The following COTL1 variants were observed in gnomAD, a reference collection of about 807,000 sequenced individuals.
The protein encoded by COTL1 is coactosin-like protein.
COTL1 carries 15 observed loss-of-function variants against 16.5 expected under a neutral mutation model. The observed-to-expected ratio is 0.91, with a 90% confidence interval of 0.61 to 1.40. The LOEUF is 1.40. Ranked by LOEUF, COTL1 falls within the 40% of genes most tolerant of loss-of-function variation. The pLI, the probability that COTL1 is intolerant of heterozygous loss-of-function variation, is 0.00. For synonymous variants in COTL1, 112 were observed against 85.3 expected (o/e 1.31, Z -1.73); for missense variants, 220 against 201.5 (o/e 1.09, Z -0.56).
intron 3 of COTL1, chr16:84,577,022 C>T (rs1185352506): frequency 6.6e-6 from 1 of 152,216 alleles, no homozygotes; most frequent in East Asian, 1.9e-4. Context: ...TCCCCAGCAC[C>T]CTGAATCTTG....
intron 3 of COTL1, chr16:84,576,081 T>C (rs573241246): frequency 2.5e-4 from 38 of 152,324 alleles, no homozygotes; most frequent in African/African-American, 8.9e-4. Flanking sequence ...CGTTTATTTT[T>C]TAACAAAGGG....
chr16:84,581,765 A>G (rs1904599912), intron 3 of COTL1, among the ~76,000 whole-genome samples: 2 of 152,096 alleles, frequency 1.3e-5, no homozygotes, highest in South Asian at 4.1e-4. Context: ...TTGGCCTCCC[A>G]AAGTGCTAGG....
chr16:84,594,101 C>T (rs939459481), intron 2 of COTL1, among the ~76,000 whole-genome samples: 2 of 149,776 alleles, frequency 1.3e-5, no homozygotes, highest in African/African-American at 4.8e-5. Flanking sequence ...ATGTGCGGGT[C>T]ACCACTTCAT....
At chr16:84,592,598 TAA>T (rs11356776) in intron 2 of COTL1, among the ~76,000 whole-genome samples, 3,763 of 143,526 alleles carry the variant, frequency 0.026, 155 homozygotes, top group African/African-American at 0.09. Context: ...CACACTGAGT[TAA>T]AAAAAAAAAA....
rs529841692 is a variant in COTL1 at position 84,565,882 on chromosome 16, G to A, written c.*963C>T. On this transcript the variant is annotated 3_prime_UTR_variant, in exon 4 of 4. Coordinates refer to ENST00000262428, the MANE Select transcript of COTL1 (RefSeq NM_021149.5). ...CTTTGCTCAGCTCACAGCTAGCGCG[G>A]CGGGCAGAGCAACCCTTCGGCCCAA... 1 of 152,416 alleles carries A rather than the reference G, an allele frequency of 6.6e-6. No homozygotes were observed. The highest frequency in any genetic ancestry group is 6.5e-5 in the Admixed American group (1 of 15,308). The allele number at this position is 152,416 out of a possible 1,614,324, so 9.4% of individuals were successfully genotyped here.
intron 3 of COTL1, among the ~76,000 whole-genome samples, chr16:84,587,802 T>G (rs899966553): frequency 6.6e-6 from 1 of 152,094 alleles, no homozygotes; most frequent in Admixed American, 6.6e-5. Context: ...TTATTTTATT[T>G]ATTTTTTTGG....
chr16:84,567,205 C>A, intron 3 of COTL1: 1 of 412,276 alleles, frequency 2.4e-6, no homozygotes, highest in Non-Finnish European at 4.4e-6. Context: ...TGCGTCTTCC[C>A]ATGTCCGTGG....
chr16:84,591,797 C>G (rs79324036), intron 2 of COTL1, among the ~76,000 whole-genome samples: 11,431 of 144,116 alleles, frequency 0.079, 557 homozygotes, highest in East Asian at 0.18. Context: ...GTACTCCAGC[C>G]TGGGTGGCCA....
At chr16:84,607,726 A>G (rs1905242208) in intron 2 of COTL1, among the ~76,000 whole-genome samples, 1 of 151,966 alleles carries the variant, frequency 6.6e-6, no homozygotes, top group Non-Finnish European at 1.5e-5. Flanking sequence ...GAGGCGGGGG[A>G]GCAATCTGAC....
At chr16:84,617,392 G>T (rs1003624248) in intron 2 of COTL1, 109 bp downstream of exon 2, 11 of 979,284 alleles carry the variant, frequency 1.1e-5, no homozygotes, top group African/African-American at 4.9e-5. Context: ...TGCGCCAGGG[G>T]CACCCCATGT....
At chr16:84,612,010 C>G (rs766767805) in intron 2 of COTL1, among the ~76,000 whole-genome samples, 21 of 152,150 alleles carry the variant, frequency 1.4e-4, no homozygotes, top group Non-Finnish European at 2.1e-4. Context: ...ACCCTCCAGC[C>G]CAGCTCAGCA....
At chr16:84,602,084 G>C (rs1336286935) in intron 2 of COTL1, among the ~76,000 whole-genome samples, 1 of 152,080 alleles carries the variant, frequency 6.6e-6, no homozygotes, top group Non-Finnish European at 1.5e-5. Flanking sequence ...AAAGCACCCA[G>C]ACGATGCCCC....
chr16:84,590,386 C>G lies in COTL1; in HGVS notation c.161-124G>C. 9 of 1,060,538 alleles carry G rather than the reference C, an allele frequency of 8.5e-6. No individual in the cohort carries two copies. Among genetic ancestry groups the G allele is most frequent in the Non-Finnish European group, 1.2e-5 (9 of 736,414 alleles). The allele number at this position is 1,060,538 out of a possible 1,614,324, so 65.7% of individuals were successfully genotyped here. ...GCACAGCAGGAGACCGGTGCAGTTC[C>G]CTGGGAGCACCATGTGCAGAGGACA... On this transcript the variant is annotated intron_variant, in intron 2 of 3. Coordinates refer to ENST00000262428, the MANE Select transcript of COTL1 (RefSeq NM_021149.5). The surrounding 1 kb of genome is among the most constrained non-coding windows in gnomAD (Gnocchi z 5.5).
At chr16:84,597,016 G>A (rs1597179469) in intron 2 of COTL1, among the ~76,000 whole-genome samples, 1 of 152,116 alleles carries the variant, frequency 6.6e-6, no homozygotes, top group African/African-American at 2.4e-5. Context: ...CATCCTAGCA[G>A]GGGCCGCATC....
At chr16:84,602,974 A>C (rs941989815) in intron 2 of COTL1, among the ~76,000 whole-genome samples, 2 of 152,358 alleles carry the variant, frequency 1.3e-5, no homozygotes, top group East Asian at 3.9e-4. Flanking sequence ...ACATGCACCA[A>C]GAACGGTAGC....
chr16:84,610,411 C>G (rs34850665), intron 2 of COTL1, among the ~76,000 whole-genome samples: 1 of 151,940 alleles, frequency 6.6e-6, no homozygotes, highest in African/African-American at 2.4e-5. Context: ...GGCTCTGTTC[C>G]TGAGTTCTCA....
chr16:84,586,957 C>T (rs2967856), intron 3 of COTL1, among the ~76,000 whole-genome samples: 11,888 of 152,170 alleles, frequency 0.078, 604 homozygotes, highest in African/African-American at 0.14. Context: ...TGTGGTGCCC[C>T]GTGTACACAT....
At chr16:84,615,507 C>G (rs1309653491) in intron 2 of COTL1, among the ~76,000 whole-genome samples, 1 of 152,110 alleles carries the variant, frequency 6.6e-6, no homozygotes, top group Non-Finnish European at 1.5e-5. Context: ...AGAGGCAGAA[C>G]ATGGTTTGAT....
intron 3 of COTL1, among the ~76,000 whole-genome samples, chr16:84,581,351 G>C (rs916330453): frequency 2.0e-5 from 3 of 152,150 alleles, no homozygotes; most frequent in Non-Finnish European, 4.4e-5. Context: ...GAAACCCTTT[G>C]AAGGCAGCGA....
Sources: allele counts gnomAD v4.1 joint callset (sites outside exome capture counted in the v4.1 genomes callset), GRCh38; gene constraint gnomAD v4.1.1; non-coding constraint Gnocchi (gnomAD v3.1); transcripts MANE v1.5; gene names NCBI Gene and HGNC (gene_info 2026-07-23, HGNC 2026-07-21).